The following PPP4R4 variants were observed in gnomAD, a reference collection of about 807,000 sequenced individuals.
PPP4R4 encodes the protein serine/threonine-protein phosphatase 4 regulatory subunit 4.
PPP4R4 carries 70 observed loss-of-function variants against 121.8 expected under a neutral mutation model. That is an observed-to-expected ratio of 0.57 (90% CI 0.47 to 0.70). The LOEUF is 0.70. PPP4R4 is among the 30% of genes least tolerant of loss of function. The pLI is 0.00. For synonymous variants in PPP4R4, 348 were observed against 355.7 expected (o/e 0.98, Z 0.24); for missense variants, 875 against 1,033.6 (o/e 0.85, Z 2.10).
intron 19 of PPP4R4, 136 bp from the exon 20 acceptor site, chr14:94,264,742 A>T: frequency 1.5e-6 from 1 of 683,570 alleles, no homozygotes; most frequent in Admixed American, 3.1e-5. Flanking sequence ...TTCTTTAGAC[A>T]CTAACATTGG....
intron 23 of PPP4R4, among the ~76,000 whole-genome samples, chr14:94,273,824 A>G (rs561245966): frequency 1.3e-5 from 2 of 152,278 alleles, no homozygotes; most frequent in African/African-American, 4.8e-5. Context: ...TATTAAAGAA[A>G]CAAAAACAAA....
At chr14:94,219,135 A>C (rs1891246984) in intron 3 of PPP4R4, among the ~76,000 whole-genome samples, 1 of 136,022 alleles carries the variant, frequency 7.4e-6, no homozygotes, top group Admixed American at 8.3e-5. Context: ...GCTGGAGTGC[A>C]ATGGCACGAT....
rs897444829 is a variant in PPP4R4 at position 94,259,430 on chromosome 14, ATTAAAC to A, written c.2127+66_2127+71del. 1.3e-5 allele frequency: 18 copies of A among 1,424,398 alleles called. No homozygotes were observed. In the African/African-American group the frequency reaches 2.5e-4, roughly 20 times the overall value. The allele number at this position is 1,424,398 out of a possible 1,614,324, so 88.2% of individuals were successfully genotyped here. On this transcript the variant is annotated intron_variant, in intron 19 of 24. Coordinates refer to ENST00000304338, the MANE Select transcript of PPP4R4 (RefSeq NM_058237.2). ...TTCTGATTAATAACTGTGTTTTTTT[ATTAAAC>A]TTAATCATTTCTTTCCATTTCACCA... is the stretch of plus-strand genomic sequence containing the variant.
At chr14:94,263,290 C>T (rs753227404) in intron 19 of PPP4R4, among the ~76,000 whole-genome samples, 2 of 151,994 alleles carry the variant, frequency 1.3e-5, no homozygotes, top group Non-Finnish European at 2.9e-5. Context: ...GGCCAAGAGG[C>T]TTTGTTCTTT....
chr14:94,278,804 A>G lies in PPP4R4; in HGVS notation c.*161A>G, dbSNP rs896221256. ...GAGAGACATAATGACAGCTGATGTTAAACTTTTCATATTTCAAATTAGATT... is the reference window on the plus strand; with the variant it reads ...GAGAGACATAATGACAGCTGATGTTGAACTTTTCATATTTCAAATTAGATT... On this transcript the variant is annotated 3_prime_UTR_variant, in exon 25 of 25. Coordinates refer to ENST00000304338, the MANE Select transcript of PPP4R4 (RefSeq NM_058237.2). The G allele has an allele frequency of 1.9e-6, 1 of 524,096 alleles. No homozygotes were observed. Among genetic ancestry groups the G allele is most frequent in the Non-Finnish European group, 3.1e-6 (1 of 324,050 alleles). The allele number at this position is 524,096 out of a possible 1,614,324, so 32.5% of individuals were successfully genotyped here. A position where few individuals can be genotyped will look rare whatever the true frequency, so the allele number is the denominator to read the frequency against.
chr14:94,255,861 A>G (rs1041291411), intron 16 of PPP4R4, among the ~76,000 whole-genome samples: 2 of 152,118 alleles, frequency 1.3e-5, no homozygotes, highest in African/African-American at 2.4e-5. Flanking sequence ...ATAAAAGACA[A>G]TTTCCTTACA....
At chr14:94,253,971 C>CA (rs1383900585) in intron 16 of PPP4R4, among the ~76,000 whole-genome samples, 1 of 152,194 alleles carries the variant, frequency 6.6e-6, no homozygotes, top group Non-Finnish European at 1.5e-5. Flanking sequence ...TCCGGAGCCA[C>CA]ACTCCCTGAG....
chr14:94,237,782 A>G (rs1275110026), intron 8 of PPP4R4, 96 bp downstream of exon 8: 4 of 1,416,378 alleles, frequency 2.8e-6, no homozygotes, highest in African/African-American at 1.4e-5. Flanking sequence ...AGAATTTCCT[A>G]TGTTAAGCCT....
At chr14:94,259,491 G>T in intron 19 of PPP4R4, 122 bp downstream of exon 19, 1 of 1,280,782 alleles carries the variant, frequency 7.8e-7, no homozygotes, top group South Asian at 2.3e-5. Context: ...CTTCTTAAAT[G>T]ATAGTCCAGT....
chr14:94,269,557 T>C lies in PPP4R4; in HGVS notation c.2449+2528T>C, dbSNP rs1310981472. Among the ~76,000 whole-genome samples the C allele has an allele frequency of 3.3e-5, 5 of 150,580 alleles. No homozygotes were observed. In the East Asian group the frequency reaches 7.8e-4, roughly 23 times the overall value. On this transcript the variant is annotated intron_variant, in intron 23 of 24. Transcript: ENST00000304338. ...TTAGTCGGGCGTGGCGTCAGGCGCC[T>C]GTAGTTCCAGCTACTCAGGAGGCTG...
chr14:94,275,271 T>C, intron 23 of PPP4R4, 103 bp from the exon 24 acceptor site: 2 of 1,311,790 alleles, frequency 1.5e-6, no homozygotes, highest in Non-Finnish European at 2.1e-6. Flanking sequence ...ATAAAATTGA[T>C]TTAAAAGGTG....
rs961534896 is a variant in PPP4R4 at position 94,258,811 on chromosome 14, T to C, written c.2039T>C (p.Met680Thr). Residue 680 changes from methionine to threonine, a missense_variant, in exon 18 of 25, where the codon ATG (methionine) becomes ACG (threonine). By Grantham distance (81) the Met-to-Thr change is moderately conservative (BLOSUM62 -1). Transcript: ENST00000304338. ...GTATTAGAGTTGGACAGAATGGAAA[T>C]GTCTATGGATGCTGTAAGTATACTC... ...RTVLELDRMEMSMDAFQKKFY... is the reference protein window; with the variant it reads ...RTVLELDRMETSMDAFQKKFY... The C allele has an allele frequency of 8.2e-6, 13 of 1,586,334 alleles. No individual in the cohort carries two copies. The highest frequency in any genetic ancestry group is 1.1e-5 in the Non-Finnish European group (13 of 1,155,764).
intron 19 of PPP4R4, among the ~76,000 whole-genome samples, chr14:94,262,481 C>A (rs937706839): frequency 1.3e-4 from 19 of 151,796 alleles, no homozygotes; most frequent in Admixed American, 3.9e-4. Flanking sequence ...CCATACCTAA[C>A]CTTTTACAGT....
intron 17 of PPP4R4, 65 bp downstream of exon 17, chr14:94,256,669 C>G (rs1265001025): frequency 1.4e-6 from 2 of 1,397,564 alleles, no homozygotes; most frequent in Admixed American, 4.5e-5. Context: ...CTTAGCTTCA[C>G]TATTTCAGCT....
intron 3 of PPP4R4, among the ~76,000 whole-genome samples, chr14:94,209,688 A>G (rs1466118565): frequency 2.6e-5 from 4 of 152,104 alleles, no homozygotes; most frequent in Non-Finnish European, 4.4e-5. Context: ...TTTCAGTGAT[A>G]CTAACTGACC....
chr14:94,224,796 A>G (rs1891605692), intron 3 of PPP4R4, among the ~76,000 whole-genome samples: 1 of 152,180 alleles, frequency 6.6e-6, no homozygotes. Context: ...GATTACATTT[A>G]AAGTCGTTGG....
At chr14:94,229,973 G>A (rs1452263150) in intron 3 of PPP4R4, among the ~76,000 whole-genome samples, 1 of 152,116 alleles carries the variant, frequency 6.6e-6, no homozygotes, top group Non-Finnish European at 1.5e-5. Context: ...TTTTGGATAT[G>A]CATTTTAAAA....
At chr14:94,226,498 AG>A (rs1410599426) in intron 3 of PPP4R4, among the ~76,000 whole-genome samples, 12 of 152,268 alleles carry the variant, frequency 7.9e-5, no homozygotes, top group African/African-American at 2.6e-4. Context: ...TGTGGCAATC[AG>A]GGATAGGGAA....
At chr14:94,182,497 T>A (rs1889046919) in intron 2 of PPP4R4, among the ~76,000 whole-genome samples, 1 of 152,172 alleles carries the variant, frequency 6.6e-6, no homozygotes, top group African/African-American at 2.4e-5. Context: ...TTTACCTGAT[T>A]TTGCACTTTA....
Sources: allele counts gnomAD v4.1 joint callset (sites outside exome capture counted in the v4.1 genomes callset), GRCh38; gene constraint gnomAD v4.1.1; transcripts MANE v1.5; gene names NCBI Gene and HGNC (gene_info 2026-07-23, HGNC 2026-07-21).